Variants in ASXL1 observed in about 807,000 individuals in gnomAD.
The protein encoded by ASXL1 is polycomb group protein ASXL1.
A neutral mutation model predicts 89.1 loss-of-function variants in ASXL1; 65 were observed. The ratio of observed to expected loss-of-function variants is 0.73; its 90% CI spans 0.60 to 0.90. The LOEUF is 0.90. Among genes scored for constraint, ASXL1 ranks in the 40% least tolerant of loss-of-function variants. ASXL1 has a pLI of 0.00. For synonymous variants in ASXL1, 739 were observed against 746.9 expected (o/e 0.99, Z 0.17); for missense variants, 1,786 against 1,942.9 (o/e 0.92, Z 1.52).
At position 32,429,212 on chromosome 20, in the gene ASXL1, T is replaced by C; in HGVS notation, c.472-126T>C. ...TTAACCAGTGCTCTTGTCAGCATTA[T>C]TTGACAGATCTGGTTGAAGACGAAC... On this transcript the variant is annotated intron_variant, in intron 6 of 12. Coordinates refer to ENST00000375687, the MANE Select transcript of ASXL1 (RefSeq NM_015338.6). This position sits in a 1 kb window ranked among gnomAD's most constrained non-coding sequence, Gnocchi z 4.9. 1.1e-6 allele frequency: 1 copy of C among 912,434 alleles called. No homozygotes were observed. Among genetic ancestry groups the C allele is most frequent in the South Asian group, 1.4e-5 (1 of 70,668 alleles). 56.5% of individuals were successfully genotyped at this position (912,434 alleles called of 1,614,324 possible).
intron 3 of ASXL1, among the ~76,000 whole-genome samples, chr20:32,368,278 G>A (rs1319796009): frequency 6.6e-6 from 1 of 152,158 alleles, no homozygotes; most frequent in Non-Finnish European, 1.5e-5. Flanking sequence ...GATTCAGTAA[G>A]TAGCATCCTT....
At chr20:32,395,942 G>C (rs1355124571) in intron 4 of ASXL1, among the ~76,000 whole-genome samples, 1 of 152,092 alleles carries the variant, frequency 6.6e-6, no homozygotes, top group Non-Finnish European at 1.5e-5. Flanking sequence ...GTGATTACAG[G>C]CATGCATCAC....
intron 4 of ASXL1, among the ~76,000 whole-genome samples, chr20:32,395,171 C>A (rs2048741168): frequency 6.6e-6 from 1 of 152,154 alleles, no homozygotes; most frequent in Non-Finnish European, 1.5e-5. Context: ...AGAGGACTTC[C>A]TTTAATGTGT....
Position 32,401,177 on chromosome 20 carries a change from ATGAACTATTT to A in ASXL1, c.253-26947_253-26938del, listed in dbSNP as rs1249354903. On this transcript the variant is annotated intron_variant, in intron 4 of 12. Coordinates refer to ENST00000375687, the MANE Select transcript of ASXL1 (RefSeq NM_015338.6). ...CTCATGCCTTATTTCATATTTTCAC[ATGAACTATTT>A]TGAGCTGGCATGGTTAATATACAGT... Among the ~76,000 whole-genome samples the A allele has an allele frequency of 2.6e-5, 4 of 152,304 alleles. No individual in the cohort carries two copies. The East Asian group carries it at 7.7e-4, about 29-fold the overall frequency.
At chr20:32,384,476 G>GT (rs1331139781) in intron 4 of ASXL1, among the ~76,000 whole-genome samples, 1 of 152,178 alleles carries the variant, frequency 6.6e-6, no homozygotes, top group Non-Finnish European at 1.5e-5. Context: ...GATTACAGGT[G>GT]TGAGCCACCG....
At position 32,438,456 on chromosome 20, in the gene ASXL1, G is replaced by C. The variant is rs987659553; in HGVS notation, c.*1118G>C. On this transcript the variant is annotated 3_prime_UTR_variant, in exon 13 of 13. Transcript: ENST00000375687. ...GCCACTGAGTGCTGTGCTGCTCGAC[G>C]TGAGGGTGAAATGATTGACTTGTGA... 60 of 233,396 alleles carry C rather than the reference G, an allele frequency of 2.6e-4. No homozygotes were observed. The Admixed American group carries it at 3.3e-3, about 13-fold the overall frequency. The allele number at this position is 233,396 out of a possible 1,614,324, so 14.5% of individuals were successfully genotyped here. A position where few individuals can be genotyped will look rare whatever the true frequency, so the allele number is the denominator to read the frequency against.
chr20:32,392,920 C>T (rs2048697612), intron 4 of ASXL1, among the ~76,000 whole-genome samples: 1 of 152,072 alleles, frequency 6.6e-6, no homozygotes, highest in African/African-American at 2.4e-5. Context: ...GTTCCACGGG[C>T]ACTTGAAAAG....
At chr20:32,377,941 C>T (rs550136408) in intron 4 of ASXL1, among the ~76,000 whole-genome samples, 69 of 142,302 alleles carry the variant, frequency 4.8e-4, no homozygotes, top group African/African-American at 1.6e-3. Flanking sequence ...GTGTGAACCA[C>T]CGCACCTGGC....
chr20:32,362,916 G>T (rs1043744250), intron 1 of ASXL1, among the ~76,000 whole-genome samples: 1 of 152,110 alleles, frequency 6.6e-6, no homozygotes, highest in Non-Finnish European at 1.5e-5. Context: ...AATCGAGGAC[G>T]CTAAATGGAT....
intron 4 of ASXL1, among the ~76,000 whole-genome samples, chr20:32,390,269 A>T (rs191600810): frequency 5.3e-5 from 8 of 152,370 alleles, no homozygotes; most frequent in Non-Finnish European, 1.0e-4. Flanking sequence ...ATGAGTAGTC[A>T]GAGTATGGCT....
chr20:32,405,309 C>A (rs1326581959), intron 4 of ASXL1, among the ~76,000 whole-genome samples: 2 of 152,032 alleles, frequency 1.3e-5, no homozygotes, highest in Admixed American at 6.6e-5. Flanking sequence ...AACTTCTGGG[C>A]TCAAGCGATC....
At chr20:32,430,162 TG>T (rs2011474830) in intron 8 of ASXL1, 109 bp downstream of exon 8, 2 of 1,374,080 alleles carry the variant, frequency 1.5e-6, no homozygotes, top group Non-Finnish European at 1.9e-6. Flanking sequence ...TTTTACTTCT[TG>T]GGTGGCCCTC....
At chr20:32,383,330 G>A (rs146846458) in intron 4 of ASXL1, among the ~76,000 whole-genome samples, 32 of 150,730 alleles carry the variant, frequency 2.1e-4, no homozygotes, top group African/African-American at 7.8e-4. Flanking sequence ...CTTTTGAGAC[G>A]GAGTCTGTCT....
chr20:32,429,636 T>A lies in ASXL1; in HGVS notation c.565+205T>A, dbSNP rs2011458779. 1 of 713,408 alleles carries A rather than the reference T, an allele frequency of 1.4e-6. No homozygotes were observed. The highest frequency in any genetic ancestry group is 1.8e-5 in the South Asian group (1 of 56,576). The allele number at this position is 713,408 out of a possible 1,614,324, so 44.2% of individuals were successfully genotyped here. A position where few individuals can be genotyped will look rare whatever the true frequency, so the allele number is the denominator to read the frequency against. ...TCCTCTTTGTCTCCCAGGGCAGTCG[T>A]GAGGATCCAACGGAGGATTTGATTA... On this transcript the variant is annotated intron_variant, in intron 7 of 12. Transcript: ENST00000375687. This position sits in a 1 kb window ranked among gnomAD's most constrained non-coding sequence, Gnocchi z 4.9.
intron 4 of ASXL1, among the ~76,000 whole-genome samples, chr20:32,399,726 A>T (rs1381601235): frequency 8.1e-6 from 1 of 124,018 alleles, no homozygotes; most frequent in Non-Finnish European, 1.7e-5. Context: ...TAGCATTTTT[A>T]AAAATCTCAC....
At chr20:32,426,275 C>G (rs944463068) in intron 4 of ASXL1, among the ~76,000 whole-genome samples, 3 of 152,020 alleles carry the variant, frequency 2.0e-5, no homozygotes, top group Non-Finnish European at 2.9e-5. Flanking sequence ...GCCATTTTTA[C>G]TTTCATCAAG....
At position 32,358,480 on chromosome 20, in the gene ASXL1, G is replaced by A. The variant is rs1279529006; in HGVS notation, c.-296G>A. On this transcript the variant is annotated 5_prime_UTR_variant, in exon 1 of 13. In the 5' UTR this introduces an upstream ATG that the reference lacks. Transcript: ENST00000375687. ...GGCCGGAGCCGTGACCTCTGACCCC[G>A]TGGTTATGCGGAGCCGCCGCATTCC... 1.3e-5 allele frequency: 3 copies of A among 231,052 alleles called. No individual in the cohort carries two copies. Among genetic ancestry groups the A allele is most frequent in the African/African-American group, 6.7e-5 (3 of 45,090 alleles). 14.3% of individuals were successfully genotyped at this position (231,052 alleles called of 1,614,324 possible).
intron 4 of ASXL1, among the ~76,000 whole-genome samples, chr20:32,382,150 T>A (rs186109301): frequency 3.9e-5 from 6 of 151,978 alleles, no homozygotes; most frequent in Admixed American, 3.3e-4. Flanking sequence ...TTATTTTTAT[T>A]TTTTACTAGA....
intron 1 of ASXL1, among the ~76,000 whole-genome samples, chr20:32,363,536 A>G (rs898915810): frequency 6.6e-6 from 1 of 152,254 alleles, no homozygotes; most frequent in African/African-American, 2.4e-5. Context: ...AGTTGTATAA[A>G]TCATAAACAG....
Sources: gnomAD v4.1 joint callset for allele counts (sites outside exome capture counted in the v4.1 genomes callset) on GRCh38, gnomAD v4.1.1 for gene constraint, Gnocchi (gnomAD v3.1) non-coding constraint, MANE v1.5 for transcripts, NCBI Gene and HGNC (gene_info 2026-07-23, HGNC 2026-07-21) for gene names.